C16orf78: variants seen among roughly 807,000 people sequenced by gnomAD.
The protein encoded by C16orf78 is uncharacterized protein C16orf78.
Under a neutral mutation model 27.3 loss-of-function variants are expected in C16orf78, and 19 were observed. That is an observed-to-expected ratio of 0.70 (90% CI 0.49 to 1.02). C16orf78 has a LOEUF of 1.02. Among genes scored for constraint, C16orf78 ranks in the 50% least tolerant of loss-of-function variants. The pLI, the probability that C16orf78 is intolerant of heterozygous loss-of-function variation, is 0.00. For synonymous variants in C16orf78, 130 were observed against 116.1 expected (o/e 1.12, Z -0.77); for missense variants, 339 against 337.0 (o/e 1.01, Z -0.05).
intron 3 of C16orf78, among the ~76,000 whole-genome samples, chr16:49,387,477 T>G (rs188342910): frequency 7.2e-5 from 11 of 152,356 alleles, no homozygotes; most frequent in Admixed American, 3.3e-4. Flanking sequence ...CTTTTTGCAT[T>G]AATGTTCAAG....
intron 3 of C16orf78, among the ~76,000 whole-genome samples, chr16:49,389,046 C>G (rs1241764968): frequency 6.6e-6 from 1 of 152,202 alleles, no homozygotes; most frequent in Non-Finnish European, 1.5e-5. Context: ...TCTTTGCTTT[C>G]TCTTTCTTCT....
At chr16:49,390,399 T>C (rs1965398441) in intron 3 of C16orf78, among the ~76,000 whole-genome samples, 1 of 152,246 alleles carries the variant, frequency 6.6e-6, no homozygotes, top group South Asian at 2.1e-4. Context: ...CTTGTGTTTT[T>C]CTTCATCTTT....
At chr16:49,375,845 A>G (rs1965209931) in intron 1 of C16orf78, among the ~76,000 whole-genome samples, 1 of 152,202 alleles carries the variant, frequency 6.6e-6, no homozygotes. Flanking sequence ...ACTCAATTTA[A>G]TATCATCACA....
chr16:49,389,727 C>T (rs530319182), intron 3 of C16orf78, among the ~76,000 whole-genome samples: 1 of 152,298 alleles, frequency 6.6e-6, no homozygotes, highest in African/African-American at 2.4e-5. Flanking sequence ...CTCCTTTCCC[C>T]TTCTACATGC....
chr16:49,383,071 C>G (rs1283893260), intron 3 of C16orf78, among the ~76,000 whole-genome samples: 3 of 152,248 alleles, frequency 2.0e-5, no homozygotes, highest in Non-Finnish European at 4.4e-5. Context: ...GTCGAATCCA[C>G]TCTATTGGAG....
chr16:49,376,245 G>A (rs188009424), intron 1 of C16orf78, among the ~76,000 whole-genome samples: 1 of 152,312 alleles, frequency 6.6e-6, no homozygotes, highest in African/African-American at 2.4e-5. Context: ...GACTGCTCAT[G>A]GTATTTCCCC....
intron 3 of C16orf78, among the ~76,000 whole-genome samples, chr16:49,383,102 C>G (rs1376754956): frequency 6.6e-6 from 1 of 152,212 alleles, no homozygotes; most frequent in Non-Finnish European, 1.5e-5. Context: ...CCTTGTCTCT[C>G]CTGATGTAAT....
At chr16:49,384,346 CAA>C (rs771147270) in intron 3 of C16orf78, among the ~76,000 whole-genome samples, 173 of 50,974 alleles carry the variant, frequency 3.4e-3, no homozygotes, top group East Asian at 0.01. Flanking sequence ...AAAACTCCAT[CAA>C]AAAAAAAAAA....
chr16:49,389,527 C>T (rs563875122), intron 3 of C16orf78, among the ~76,000 whole-genome samples: 162 of 152,190 alleles, frequency 1.1e-3, no homozygotes, highest in Non-Finnish European at 1.8e-3. Context: ...ACCTGGGAAG[C>T]GGAAGCTGCA....
intron 3 of C16orf78, among the ~76,000 whole-genome samples, chr16:49,386,926 T>C (rs966662778): frequency 2.0e-5 from 3 of 152,342 alleles, no homozygotes; most frequent in South Asian, 2.1e-4. Flanking sequence ...TGTGTCTTTA[T>C]GGTAAAATGA....
In C16orf78 at chr16:49,396,332, T is replaced by C. The variant is rs994455915; in HGVS notation, c.395-91T>C. 3.2e-5 allele frequency: 45 copies of C among 1,424,166 alleles called. No homozygotes were observed. In the African/African-American group the frequency reaches 4.8e-4, roughly 15 times the overall value. 88.2% of individuals were successfully genotyped at this position (1,424,166 alleles called of 1,614,324 possible). A position where few individuals can be genotyped will look rare whatever the true frequency, so the allele number is the denominator to read the frequency against. On this transcript the variant is annotated intron_variant, in intron 3 of 4. Transcript: ENST00000299191. ...CAGAACAGGTACGGTTTGAAGTCCATGCATTCCTCCAGCCTTCATCCCCTT... is the reference window on the plus strand; with the variant it reads ...CAGAACAGGTACGGTTTGAAGTCCACGCATTCCTCCAGCCTTCATCCCCTT...
At chr16:49,375,679 C>T (rs1236878214) in intron 1 of C16orf78, among the ~76,000 whole-genome samples, 1 of 152,140 alleles carries the variant, frequency 6.6e-6, no homozygotes. Context: ...CAAACCATAC[C>T]ACTTACCATT....
chr16:49,399,140 G>A lies in C16orf78; in HGVS notation c.660G>A (p.Arg220=). Residue 220 remains arginine (R), a synonymous_variant, in exon 5 of 5, where the codon AGG becomes AGA. Coordinates refer to ENST00000299191, the MANE Select transcript of C16orf78 (RefSeq NM_144602.4). ...GCCTTCTCTTGAACAGATACCTGAGGTTATCCAAGGAGAACATTCGGACCT... is the reference window on the plus strand; with the variant it reads ...GCCTTCTCTTGAACAGATACCTGAGATTATCCAAGGAGAACATTCGGACCT... ...PEEVLSCRYL[R]LSKENIRTLL... is the part of the protein sequence containing the mutation. 1 of 1,613,948 alleles carries A rather than the reference G, an allele frequency of 6.2e-7. No individual in the cohort carries two copies. Among genetic ancestry groups the A allele is most frequent in the Non-Finnish European group, 8.5e-7 (1 of 1,179,908 alleles).
intron 4 of C16orf78, among the ~76,000 whole-genome samples, chr16:49,396,955 C>T (rs1347841035): frequency 2.0e-5 from 3 of 152,194 alleles, no homozygotes; most frequent in South Asian, 2.1e-4. Context: ...CCAATATTTC[C>T]GTTTGTTTCA....
chr16:49,379,694 C>T lies in C16orf78; in HGVS notation c.394+1101C>T, dbSNP rs539178523. ...TACAAAAAAATGTTAATTTCTTAGT[C>T]GTGACAAACATGCCATGGACGTAAG... On this transcript the variant is annotated intron_variant, in intron 3 of 4. Transcript: ENST00000299191. 7.9e-5 allele frequency among the ~76,000 whole-genome samples: 12 copies of T among 152,168 alleles called. No homozygotes were observed. The South Asian group carries it at 2.1e-3, about 26-fold the overall frequency.
chr16:49,397,186 C>G lies in C16orf78; in HGVS notation c.650+508C>G, dbSNP rs1474652587. On this transcript the variant is annotated intron_variant, in intron 4 of 4. Coordinates refer to ENST00000299191, the MANE Select transcript of C16orf78 (RefSeq NM_144602.4). ...CAAAGAGTCTCCCTTCTCATTTGCTCTCTGTCCTGTTTATCAGGGCTCTCT... is the reference window on the plus strand; with the variant it reads ...CAAAGAGTCTCCCTTCTCATTTGCTGTCTGTCCTGTTTATCAGGGCTCTCT... Among the ~76,000 whole-genome samples the G allele has an allele frequency of 3.3e-5, 5 of 152,184 alleles. No individual in the cohort carries two copies. In the East Asian group the frequency reaches 9.6e-4, roughly 29 times the overall value.
At chr16:49,395,236 C>A (rs542605418) in intron 3 of C16orf78, among the ~76,000 whole-genome samples, 1 of 152,142 alleles carries the variant, frequency 6.6e-6, no homozygotes, top group African/African-American at 2.4e-5. Flanking sequence ...CTTTTCTCTA[C>A]ATACTTGTCA....
intron 4 of C16orf78, among the ~76,000 whole-genome samples, chr16:49,397,541 C>T (rs1351340181): frequency 6.6e-6 from 1 of 152,162 alleles, no homozygotes; most frequent in East Asian, 1.9e-4. Flanking sequence ...AGCAGACTGC[C>T]TTTGCTGGCT....
chr16:49,398,606 G>A lies in C16orf78; in HGVS notation c.651-525G>A, dbSNP rs573556189. ...TGTGCGCATGACAGTGACAAATCAC[G>A]TAACAATTCACATTCTGTCTTTTCT... On this transcript the variant is annotated intron_variant, in intron 4 of 4. Transcript: ENST00000299191. Among the ~76,000 whole-genome samples the A allele has an allele frequency of 1.1e-4, 17 of 152,240 alleles. 1 individual carries two copies. Among genetic ancestry groups the A allele is most frequent in the Admixed American group, 7.2e-4 (11 of 15,290 alleles).
Sources: gnomAD v4.1 joint callset for allele counts (sites outside exome capture counted in the v4.1 genomes callset) on GRCh38, gnomAD v4.1.1 for gene constraint, MANE v1.5 for transcripts, NCBI Gene and HGNC (gene_info 2026-07-23, HGNC 2026-07-21) for gene names.